The following STS variants were observed in gnomAD, a reference collection of about 807,000 sequenced individuals.
STS encodes steroid sulfatase.
Under a neutral mutation model 26.8 loss-of-function variants are expected in STS, and 7 were observed. The ratio of observed to expected loss-of-function variants is 0.26; its 90% CI spans 0.15 to 0.49. The LOEUF (loss-of-function observed/expected upper bound fraction) is 0.49. Ranked by LOEUF, STS falls within the 20% of genes least tolerant of loss-of-function variation. The pLI, the probability that STS is intolerant of heterozygous loss-of-function variation, is 0.98. For synonymous variants in STS, 199 were observed against 189.4 expected (o/e 1.05, Z -0.42); for missense variants, 434 against 465.6 (o/e 0.93, Z 0.63).
In STS at chrX:7,282,553, C is replaced by A. The variant is rs1226965609; in HGVS notation, c.943+6466C>A. Reference sequence around the variant, plus strand: ...GTGTAGGACTCTCATTTCGTATTTCCTAGATCTGGACGAGGGAAGTCCTGG... The same window carrying A: ...GTGTAGGACTCTCATTTCGTATTTCATAGATCTGGACGAGGGAAGTCCTGG... On this transcript the variant is annotated intron_variant, in intron 7 of 10. Coordinates refer to ENST00000674429, the MANE Select transcript of STS (RefSeq NM_001320752.2). 2.7e-5 allele frequency among the ~76,000 whole-genome samples: 3 copies of A among 112,137 alleles called. No individual in the cohort carries two copies. In the Admixed American group the frequency reaches 2.8e-4, roughly 11 times the overall value.
chrX:7,322,699 C>T (rs1927099374), intron 8 of STS, among the ~76,000 whole-genome samples: 1 of 112,038 alleles, frequency 8.9e-6, no homozygotes, highest in Admixed American at 9.5e-5. Context: ...TTATGCCCAG[C>T]CAGATTTTCT....
chrX:7,353,496 C>T lies in STS; in HGVS notation c.*3235C>T, dbSNP rs1928885563. 1 of 109,262 alleles carries T rather than the reference C, an allele frequency of 9.2e-6. No homozygotes were observed. Among genetic ancestry groups the T allele is most frequent in the African/African-American group, 3.3e-5 (1 of 30,055 alleles). The allele number at this position is 109,262 out of a possible 1,213,427, so 9.0% of individuals were successfully genotyped here. On this transcript the variant is annotated 3_prime_UTR_variant, in exon 11 of 11. Transcript: ENST00000674429. ...ATTTAATATGTTTTGCCTTTGTGGC[C>T]CATGAAAGTCTTACTGGGCCCTGGG...
At chrX:7,217,564 G>A (rs1373727702) in intron 2 of STS, among the ~76,000 whole-genome samples, 4 of 111,704 alleles carry the variant, frequency 3.6e-5, no homozygotes, top group Non-Finnish European at 3.8e-5. Context: ...TTGCTCGGGC[G>A]TATGAGAGCC....
At chrX:7,279,359 ATATG>A (rs1428838009) in intron 7 of STS, among the ~76,000 whole-genome samples, 30 of 56,077 alleles carry the variant, frequency 5.3e-4, no homozygotes, top group African/African-American at 1.9e-3. Context: ...GTGTGTGTGT[ATATG>A]TGTGTGTGTG....
intron 9 of STS, among the ~76,000 whole-genome samples, chrX:7,332,075 T>G (rs1371220942): frequency 9.0e-6 from 1 of 110,708 alleles, no homozygotes; most frequent in African/African-American, 3.3e-5. Context: ...ATAATCATGA[T>G]CAATTTCAGT....
intron 1 of STS, among the ~76,000 whole-genome samples, chrX:7,162,532 T>C (rs1933264792): frequency 9.1e-6 from 1 of 109,621 alleles, no homozygotes; most frequent in Non-Finnish European, 1.9e-5. Flanking sequence ...AGTTTAGAGA[T>C]AGAGACTGGG....
intron 8 of STS, among the ~76,000 whole-genome samples, chrX:7,318,472 C>T (rs1477162640): frequency 9.0e-6 from 1 of 111,555 alleles, no homozygotes; most frequent in Non-Finnish European, 1.9e-5. Context: ...AGTGTGTGCT[C>T]GGATGTGTTT....
chrX:7,170,113 T>A (rs1249292604), intron 1 of STS, among the ~76,000 whole-genome samples: 1 of 111,615 alleles, frequency 9.0e-6, no homozygotes, highest in Non-Finnish European at 1.9e-5. Context: ...GATTATAGGG[T>A]CTTGTTGTAG....
intron 10 of STS, among the ~76,000 whole-genome samples, chrX:7,338,948 ATG>A (rs1928158959): frequency 1.8e-5 from 2 of 112,004 alleles, no homozygotes; most frequent in African/African-American, 3.2e-5. Flanking sequence ...TTCCAAAGGA[ATG>A]TGTTCCTTTC....
intron 1 of STS, among the ~76,000 whole-genome samples, chrX:7,154,383 T>C (rs1238977388): frequency 8.9e-6 from 1 of 112,654 alleles, no homozygotes; most frequent in African/African-American, 3.2e-5. Flanking sequence ...GAGTCTGAGA[T>C]GAAAGAGTGA....
At chrX:7,219,720 T>C (rs1163911959) in intron 2 of STS, 1 of 1,206,104 alleles carries the variant, frequency 8.3e-7, no homozygotes, top group African/African-American at 1.7e-5. Context: ...GGCTGGGAGT[T>C]TTTAACCCTG....
chrX:7,251,971 T>C (rs1372475337), intron 2 of STS, among the ~76,000 whole-genome samples: 1 of 110,398 alleles, frequency 9.1e-6, no homozygotes, highest in Admixed American at 9.7e-5. Flanking sequence ...CAAATTTTTT[T>C]AAATAAAAAT....
intron 6 of STS, among the ~76,000 whole-genome samples, chrX:7,265,022 GTTT>G (rs66982354): frequency 1.2e-5 from 1 of 82,050 alleles, no homozygotes; most frequent in East Asian, 3.7e-4. Flanking sequence ...ATTTTATTCT[GTTT>G]TTTTTTTTTT....
At chrX:7,269,500 TCTC>T (rs1310854650) in intron 6 of STS, among the ~76,000 whole-genome samples, 2 of 109,140 alleles carry the variant, frequency 1.8e-5, no homozygotes, top group East Asian at 2.9e-4. Context: ...TGAGATAAGT[TCTC>T]CTCTGAATTC....
chrX:7,205,911 C>T (rs774769584), intron 2 of STS, among the ~76,000 whole-genome samples: 8 of 110,156 alleles, frequency 7.3e-5, no homozygotes, highest in Non-Finnish European at 1.1e-4. Context: ...CCACCACTCT[C>T]GGTGGAAATC....
chrX:7,339,116 TAAAAG>T (rs1222583699), intron 10 of STS, among the ~76,000 whole-genome samples: 5 of 111,769 alleles, frequency 4.5e-5, no homozygotes, highest in Admixed American at 9.5e-5. Context: ...ACACACCTAA[TAAAAG>T]AGAAGAAATT....
At chrX:7,166,867 C>T (rs1933361452) in intron 1 of STS, among the ~76,000 whole-genome samples, 1 of 112,048 alleles carries the variant, frequency 8.9e-6, no homozygotes, top group Admixed American at 9.5e-5. Context: ...ATAGCTACTA[C>T]CTATGGCTCC....
At position 7,257,127 on chromosome X, in the gene STS, C is replaced by T. The variant is rs1923448719; in HGVS notation, c.138-115C>T. 2.1e-5 allele frequency: 22 copies of T among 1,032,410 alleles called. 2 individuals are homozygous for T. In the South Asian group the frequency reaches 4.3e-4, roughly 20 times the overall value. 85.1% of individuals were successfully genotyped at this position (1,032,410 alleles called of 1,213,427 possible). A position where few individuals can be genotyped will look rare whatever the true frequency, so the allele number is the denominator to read the frequency against. ...AATTAGCCAGGCGTGGTAGTGTGAG[C>T]CGAGATTGCGCCACTGCACTCCAGC... is the stretch of plus-strand genomic sequence containing the variant. On this transcript the variant is annotated intron_variant, in intron 3 of 10. Transcript: ENST00000674429.
chrX:7,311,998 G>A (rs1926501727), intron 8 of STS, among the ~76,000 whole-genome samples: 1 of 112,227 alleles, frequency 8.9e-6, no homozygotes. Context: ...CTACACTCCA[G>A]CCTGGGCAAC....
Sources: gnomAD v4.1 joint callset for allele counts (sites outside exome capture counted in the v4.1 genomes callset) on GRCh38, gnomAD v4.1.1 for gene constraint, MANE v1.5 for transcripts, NCBI Gene and HGNC (gene_info 2026-07-23, HGNC 2026-07-21) for gene names.